TPD52: variants seen among roughly 807,000 people sequenced by gnomAD.
The protein encoded by TPD52 is tumor protein D52.
A neutral mutation model predicts 31.3 loss-of-function variants in TPD52; 17 were observed. The ratio of observed to expected loss-of-function variants is 0.54; its 90% CI spans 0.37 to 0.82. The LOEUF (loss-of-function observed/expected upper bound fraction) is 0.82, where lower values mean the gene tolerates loss of function less well. TPD52 is among the 40% of genes least tolerant of loss of function. TPD52 has a pLI of 0.00. For missense variants in TPD52, 212 were observed against 240.1 expected (o/e 0.88, Z 0.77); for synonymous variants, 83 against 89.6 (o/e 0.93, Z 0.42).
chr8:80,106,395 T>TC (rs1807111598), intron 1 of TPD52, among the ~76,000 whole-genome samples: 1 of 152,092 alleles, frequency 6.6e-6, no homozygotes, highest in African/African-American at 2.4e-5. Flanking sequence ...TCTTGCTCTG[T>TC]CACCAGGCTG....
chr8:80,067,666 C>G (rs950885078), intron 1 of TPD52, among the ~76,000 whole-genome samples: 1 of 151,976 alleles, frequency 6.6e-6, no homozygotes, highest in Non-Finnish European at 1.5e-5. Flanking sequence ...CCTAGACGGT[C>G]TGATGTAAAA....
At chr8:80,031,966 A>G (rs1380514824), downstream of TPD52, among the ~76,000 whole-genome samples, 2 of 152,100 alleles carry the variant, frequency 1.3e-5, no homozygotes, top group Non-Finnish European at 2.9e-5. Context: ...CAGCCTGGCC[A>G]ACATGGTGAA....
chr8:80,043,996 G>A (rs1446671202), intron 6 of TPD52, among the ~76,000 whole-genome samples, 171 bp downstream of exon 6: 3 of 152,106 alleles, frequency 2.0e-5, no homozygotes, highest in African/African-American at 7.2e-5. Flanking sequence ...CGGATCTCTT[G>A]CACCCATCCC....
intron 5 of TPD52, among the ~76,000 whole-genome samples, chr8:80,047,917 A>G (rs185147844): frequency 4.6e-5 from 7 of 152,332 alleles, no homozygotes; most frequent in Non-Finnish European, 5.9e-5. Context: ...ATATGAGACA[A>G]ATGTGTCTAC....
chr8:80,065,683 C>G (rs1813059056), intron 1 of TPD52, among the ~76,000 whole-genome samples: 1 of 152,158 alleles, frequency 6.6e-6, no homozygotes, highest in Non-Finnish European at 1.5e-5. Flanking sequence ...ATTGAAGGAT[C>G]AGTATTGCTG....
chr8:80,057,306 TA>T (rs1811998664), intron 2 of TPD52, among the ~76,000 whole-genome samples: 1 of 152,170 alleles, frequency 6.6e-6, no homozygotes, highest in African/African-American at 2.4e-5. Flanking sequence ...TCAAAGAACT[TA>T]ATACAGAGCT....
At chr8:80,120,004 A>T in intron 1 of TPD52, 1 of 244,498 alleles carries the variant, frequency 4.1e-6, no homozygotes, top group Non-Finnish European at 8.2e-6. Context: ...TTACTAAGAG[A>T]CTGACAAATT....
chr8:80,074,015 A>G (rs1170942019), intron 1 of TPD52, among the ~76,000 whole-genome samples: 2 of 152,190 alleles, frequency 1.3e-5, no homozygotes, highest in Non-Finnish European at 2.9e-5. Context: ...GCCAAAATGG[A>G]GTCTAAGATA....
At chr8:80,040,268 C>T (rs1810256395) in intron 7 of TPD52, among the ~76,000 whole-genome samples, 2 of 138,942 alleles carry the variant, frequency 1.4e-5, no homozygotes, top group South Asian at 4.7e-4. Context: ...AATCGCTGCT[C>T]ACTCTGCCTC....
At chr8:80,099,549 C>T (rs7007946) in intron 1 of TPD52, among the ~76,000 whole-genome samples, 19,841 of 146,192 alleles carry the variant, frequency 0.14, 3,643 homozygotes, top group African/African-American at 0.43. Flanking sequence ...CTCGCTCTGT[C>T]ACCCAGGCTG....
chr8:80,083,998 CGAA>C (rs1026095912), intron 1 of TPD52, among the ~76,000 whole-genome samples: 2 of 152,190 alleles, frequency 1.3e-5, no homozygotes, highest in African/African-American at 2.4e-5. Context: ...GGAGAAAGCA[CGAA>C]GAGCTATCTA....
intron 5 of TPD52, among the ~76,000 whole-genome samples, chr8:80,045,611 C>T (rs530083564): frequency 1.3e-5 from 2 of 152,196 alleles, no homozygotes; most frequent in Non-Finnish European, 2.9e-5. Flanking sequence ...AATATAAGCA[C>T]ACAGAGAGGT....
intron 1 of TPD52, among the ~76,000 whole-genome samples, chr8:80,094,087 T>C (rs1346675350): frequency 6.6e-6 from 1 of 152,080 alleles, no homozygotes; most frequent in Non-Finnish European, 1.5e-5. Context: ...ATCAAACAGG[T>C]ATTTATCAAA....
chr8:80,107,814 A>G (rs1455733202), intron 1 of TPD52, among the ~76,000 whole-genome samples: 2 of 152,136 alleles, frequency 1.3e-5, no homozygotes, highest in Admixed American at 1.3e-4. Context: ...TAGTTTTTAA[A>G]TTGTCGGTAA....
intron 7 of TPD52, among the ~76,000 whole-genome samples, chr8:80,039,869 C>A (rs1210360246): frequency 1.3e-5 from 2 of 152,134 alleles, no homozygotes; most frequent in African/African-American, 4.8e-5. Context: ...GAACTTTCTG[C>A]CACTTGTCCT....
chr8:80,053,146 A>C (rs1229708969), intron 3 of TPD52, 136 bp downstream of exon 3: 1 of 969,892 alleles, frequency 1.0e-6, no homozygotes, highest in African/African-American at 1.7e-5. Flanking sequence ...CTTGAAAATC[A>C]GAAAAAAAGG....
At chr8:80,082,996 C>G (rs1467301790) in intron 1 of TPD52, among the ~76,000 whole-genome samples, 1 of 152,090 alleles carries the variant, frequency 6.6e-6, no homozygotes, top group Admixed American at 6.6e-5. Context: ...AGATCCCAGT[C>G]AAGACATTCT....
chr8:80,050,232 A>G (rs1485960586), intron 5 of TPD52: 1 of 405,852 alleles, frequency 2.5e-6, no homozygotes, highest in African/African-American at 2.1e-5. Flanking sequence ...CTTGAACCAC[A>G]GTGTCAAATA....
At chr8:80,167,863 C>T (rs1427282225) in intron 1 of TPD52, among the ~76,000 whole-genome samples, 1 of 152,094 alleles carries the variant, frequency 6.6e-6, no homozygotes, top group African/African-American at 2.4e-5. Context: ...TAGTGGGCTA[C>T]GTGACTGTCA....
Sources: allele counts gnomAD v4.1 joint callset (sites outside exome capture counted in the v4.1 genomes callset), GRCh38; gene constraint gnomAD v4.1.1; transcripts MANE v1.5; gene names NCBI Gene and HGNC (gene_info 2026-07-23, HGNC 2026-07-21).